The following SLC35D2 variants were observed in gnomAD, a reference collection of about 807,000 sequenced individuals.
SLC35D2 encodes solute carrier family 35 member D2, also known as nucleotide sugar transporter SLC35D2.
A neutral mutation model predicts 41.8 loss-of-function variants in SLC35D2; 43 were observed. The observed-to-expected ratio is 1.03, with a 90% CI of 0.81 to 1.33. SLC35D2 has a LOEUF of 1.33. Among genes scored for constraint, SLC35D2 ranks in the 40% most tolerant of loss-of-function variants. SLC35D2 has a pLI of 0.00. For missense variants in SLC35D2, 380 were observed against 408.4 expected (o/e 0.93, Z 0.60); for synonymous variants, 150 against 163.9 (o/e 0.92, Z 0.65).
intron 9 of SLC35D2, 49 bp downstream of exon 9, chr9:96,336,668 G>C (rs2130881402): frequency 9.0e-7 from 1 of 1,110,182 alleles, no homozygotes; most frequent in Non-Finnish European, 1.3e-6. Flanking sequence ...GATTTGACTT[G>C]TCAAGAGATA....
In SLC35D2 at chr9:96,321,091, A is replaced by G. The variant is rs1048234933; in HGVS notation, c.*151T>C. The G allele has an allele frequency of 3.3e-6, 2 of 605,344 alleles. No homozygotes were observed. The highest frequency in any genetic ancestry group is 2.8e-5 in the East Asian group (1 of 35,360). 37.5% of individuals were successfully genotyped at this position (605,344 alleles called of 1,614,324 possible). ...TGAGACTGCCATTGGCTCATCCTGC[A>G]TATGAGGTAGTTCTCTTTGCATTTT... On this transcript the variant is annotated 3_prime_UTR_variant, in exon 12 of 12. Transcript: ENST00000253270.
intron 1 of SLC35D2, among the ~76,000 whole-genome samples, chr9:96,382,735 TAG>T (rs1238129565): frequency 6.6e-6 from 1 of 152,194 alleles, no homozygotes; most frequent in African/African-American, 2.4e-5. Flanking sequence ...TGTAACATAG[TAG>T]AGTTTACAAA....
At chr9:96,344,542 G>GAAA (rs755135394) in intron 7 of SLC35D2, among the ~76,000 whole-genome samples, 1 of 37,722 alleles carries the variant, frequency 2.7e-5, no homozygotes, top group Non-Finnish European at 5.1e-5. Flanking sequence ...CCATGCAGGG[G>GAAA]AAAAAAAAAA....
At chr9:96,336,621 A>T in intron 9 of SLC35D2, 96 bp downstream of exon 9, 5 of 796,468 alleles carry the variant, frequency 6.3e-6, no homozygotes, top group Non-Finnish European at 1.0e-5. Context: ...AGAGAAACAC[A>T]AAGGAATTCT....
intron 7 of SLC35D2, among the ~76,000 whole-genome samples, 191 bp downstream of exon 7, chr9:96,345,108 C>T (rs540475322): frequency 4.1e-4 from 63 of 152,186 alleles, no homozygotes; most frequent in African/African-American, 1.5e-3. Flanking sequence ...TGGCTTTTCC[C>T]ATCATATCTC....
chr9:96,317,134 T>C (rs1313635269), downstream of SLC35D2, among the ~76,000 whole-genome samples: 1 of 145,484 alleles, frequency 6.9e-6, no homozygotes, highest in Non-Finnish European at 1.5e-5. Flanking sequence ...CAAGACTCCC[T>C]CTCAAAAAAA....
At chr9:96,382,501 T>C (rs1461136237) in intron 1 of SLC35D2, among the ~76,000 whole-genome samples, 1 of 145,772 alleles carries the variant, frequency 6.9e-6, no homozygotes, top group Non-Finnish European at 1.5e-5. Flanking sequence ...ACACACTATA[T>C]ATATATATAT....
chr9:96,359,103 G>T (rs2130966857), intron 4 of SLC35D2, among the ~76,000 whole-genome samples: 1 of 151,580 alleles, frequency 6.6e-6, no homozygotes, highest in African/African-American at 2.4e-5. Flanking sequence ...AGGAGATGGA[G>T]ACCATCCTGG....
intron 8 of SLC35D2, among the ~76,000 whole-genome samples, chr9:96,339,419 T>TTTTTATAGATTTTATAGA (rs1461548769): frequency 6.6e-6 from 1 of 152,196 alleles, no homozygotes; most frequent in Non-Finnish European, 1.5e-5. Context: ...CCAACCTAAA[T>TTTTTATAGATTTTATAGA]TTTTATAGAT....
intron 1 of SLC35D2, 35 bp downstream of exon 1, chr9:96,383,442 T>G: frequency 7.2e-7 from 1 of 1,381,286 alleles, no homozygotes; most frequent in South Asian, 1.2e-5. Context: ...AGCCCCGCAC[T>G]CCCGCAGACC....
chr9:96,379,375 G>A (rs1045221207), intron 1 of SLC35D2, among the ~76,000 whole-genome samples: 4 of 151,002 alleles, frequency 2.6e-5, no homozygotes, highest in Non-Finnish European at 5.9e-5. Flanking sequence ...TTCCCCTCTC[G>A]CCCCAATAGG....
intron 10 of SLC35D2, among the ~76,000 whole-genome samples, chr9:96,323,347 C>G (rs938500975): frequency 2.0e-5 from 3 of 152,088 alleles, no homozygotes; most frequent in African/African-American, 7.2e-5. Flanking sequence ...TGCATCCACA[C>G]AAGCAAACAC....
In SLC35D2 at chr9:96,324,141, A is replaced by C; in HGVS notation, c.781T>G (p.Cys261Gly). Reference protein sequence around the residue: ...GFLLMYSTVLCSYYNSALTTA... With the variant: ...GFLLMYSTVLGSYYNSALTTA... The stretch of plus-strand genomic sequence containing the variant: ...GTCAGGGCTGAATTGTAATAGCTGC[A>C]CAGAACCGTGGAGTACATCAGCAGA... The change falls in exon 10 of 12, where the codon TGC (cysteine) becomes GGC (glycine). Residue 261 changes from cysteine (C) to glycine (G), a missense_variant. Cys to Gly is a radical substitution (Grantham distance 159). Coordinates refer to ENST00000253270, the MANE Select transcript of SLC35D2 (RefSeq NM_007001.3). The C allele has an allele frequency of 6.2e-7, 1 of 1,614,000 alleles. No homozygotes were observed. Among genetic ancestry groups the C allele is most frequent in the Non-Finnish European group, 8.5e-7 (1 of 1,179,920 alleles).
At chr9:96,323,318 G>C (rs1477532566) in intron 10 of SLC35D2, among the ~76,000 whole-genome samples, 1 of 151,988 alleles carries the variant, frequency 6.6e-6, no homozygotes, top group Non-Finnish European at 1.5e-5. Context: ...TCATTCATGT[G>C]CATGTGTGTG....
downstream of SLC35D2, among the ~76,000 whole-genome samples, chr9:96,317,406 C>T (rs1828079201): frequency 1.3e-5 from 2 of 152,080 alleles, no homozygotes; most frequent in East Asian, 1.9e-4. Context: ...GCACCCCCAA[C>T]TAACCTTAGT....
At chr9:96,362,399 C>T (rs1375237279) in intron 3 of SLC35D2, among the ~76,000 whole-genome samples, 2 of 151,886 alleles carry the variant, frequency 1.3e-5, no homozygotes, top group Non-Finnish European at 2.9e-5. Flanking sequence ...CCCAGCCACT[C>T]GGGAGGCTGA....
intron 1 of SLC35D2, among the ~76,000 whole-genome samples, chr9:96,382,291 CA>C (rs1045889111): frequency 6.6e-6 from 1 of 151,626 alleles, no homozygotes; most frequent in Non-Finnish European, 1.5e-5. Context: ...CCCACCTCTA[CA>C]AAAAATCAAA....
At chr9:96,331,041 G>A (rs1158414945) in intron 9 of SLC35D2, among the ~76,000 whole-genome samples, 4 of 152,122 alleles carry the variant, frequency 2.6e-5, no homozygotes, top group African/African-American at 9.7e-5. Context: ...TGGATTACAG[G>A]GGCACACTAC....
In SLC35D2 at chr9:96,352,041, A is replaced by C. The variant is rs1829833169; in HGVS notation, c.416T>G (p.Leu139Arg). 2 of 1,608,644 alleles carry C rather than the reference A, an allele frequency of 1.2e-6. No homozygotes were observed. The highest frequency in any genetic ancestry group is 2.2e-5 in the South Asian group (2 of 90,634). Residue 139 changes from leucine (L) to arginine (R), a missense_variant, in exon 5 of 12, where the codon CTT (leucine) becomes CGT (arginine). Transcript: ENST00000253270. ...AATGGAGGAAAAACAAAATCACCCA[A>C]GTATGATGGTTTCCAGAAGTAAGGT... ...PLTLLLETII[L>R]GKQYSLNIIL...
Sources: allele counts gnomAD v4.1 joint callset (sites outside exome capture counted in the v4.1 genomes callset), GRCh38; gene constraint gnomAD v4.1.1; transcripts MANE v1.5; gene names NCBI Gene and HGNC (gene_info 2026-07-23, HGNC 2026-07-21).